The following ZDHHC11B variants were observed in gnomAD, a reference collection of about 807,000 sequenced individuals.
ZDHHC11B encodes the protein probable palmitoyltransferase ZDHHC11B.
A neutral mutation model predicts 42.3 loss-of-function variants in ZDHHC11B; 17 were observed. That is an observed-to-expected ratio of 0.40 (90% CI 0.27 to 0.60). The LOEUF is 0.60. Among genes scored for constraint, ZDHHC11B ranks in the 20% least tolerant of loss-of-function variants. The probability of loss-of-function intolerance (pLI) is 0.41; values close to 1 mark genes in which losing one functional copy is unlikely to be tolerated. For synonymous variants in ZDHHC11B, 123 were observed against 193.5 expected (o/e 0.64, Z 3.02); for missense variants, 262 against 463.2 (o/e 0.57, Z 3.99).
chr5:739,894 T>C (rs1246018039), intron 10 of ZDHHC11B, among the ~76,000 whole-genome samples: 1 of 149,824 alleles, frequency 6.7e-6, no homozygotes, highest in Middle Eastern at 3.5e-3. Flanking sequence ...AAAGAAAATG[T>C]GATATATATT....
chr5:732,447 C>T (rs1743084552), intron 11 of ZDHHC11B: 3 of 324,784 alleles, frequency 9.2e-6, no homozygotes, highest in Non-Finnish European at 1.8e-5. Context: ...CCGTGTGCCA[C>T]ATGCAGTGAG....
At chr5:764,929 T>C (rs1735081865) in intron 4 of ZDHHC11B, among the ~76,000 whole-genome samples, 1 of 109,486 alleles carries the variant, frequency 9.1e-6, no homozygotes, top group African/African-American at 3.2e-5. Context: ...CAATCAGCAC[T>C]CTGTATCTAG....
intron 4 of ZDHHC11B, among the ~76,000 whole-genome samples, chr5:757,239 G>C (rs1289182745): frequency 6.6e-6 from 1 of 152,076 alleles, no homozygotes; most frequent in South Asian, 2.1e-4. Flanking sequence ...GGCCCTCACA[G>C]TGTGGCCTAA....
At chr5:770,387 C>T (rs1413552817) in intron 1 of ZDHHC11B, among the ~76,000 whole-genome samples, 3 of 150,082 alleles carry the variant, frequency 2.0e-5, no homozygotes, top group African/African-American at 7.3e-5. Flanking sequence ...CAAATAAAGC[C>T]AGCAGCACGC....
At position 756,033 on chromosome 5, in the gene ZDHHC11B, G is replaced by A; in HGVS notation, c.334C>T (p.Leu112Phe). 1 of 1,234,748 alleles carries A rather than the reference G, an allele frequency of 8.1e-7. No individual in the cohort carries two copies. Among genetic ancestry groups the A allele is most frequent in the Non-Finnish European group, 1.1e-6 (1 of 878,326 alleles). The allele number at this position is 1,234,748 out of a possible 1,614,324, so 76.5% of individuals were successfully genotyped here. A position where few individuals can be genotyped will look rare whatever the true frequency, so the allele number is the denominator to read the frequency against. The change falls in exon 5 of 14, where the codon CTC (leucine) becomes TTC (phenylalanine). Residue 112 changes from leucine (L) to phenylalanine (F), a missense_variant. By Grantham distance (22) the Leu-to-Phe change is conservative. This residue lies in a region of ZDHHC11B where 33 missense variants were observed against 174.6 expected (regional missense o/e 0.19). Coordinates refer to ENST00000508859, the MANE Select transcript of ZDHHC11B (RefSeq NM_001351303.2). ...LMKNYSQPMP[L>F]FDRSKHAHVI... ...TGTGCATGTTTTGATCTGTCGAAGA[G>A]GGGCATGGGCTGAGAATAGTTCTTC...
intron 1 of ZDHHC11B, among the ~76,000 whole-genome samples, chr5:779,528 CCAGCCTCTGG>C (rs1220563495): frequency 1.3e-5 from 2 of 149,484 alleles, no homozygotes; most frequent in Non-Finnish European, 3.0e-5. Flanking sequence ...TGAGACACAT[CCAGCCTCTGG>C]TTGCCCATTT....
intron 1 of ZDHHC11B, among the ~76,000 whole-genome samples, chr5:770,911 C>T (rs1354626767): frequency 1.6e-4 from 25 of 152,044 alleles, no homozygotes; most frequent in African/African-American, 4.6e-4. Flanking sequence ...GGCTTGGGGA[C>T]GCAGGGCTAC....
chr5:724,662 TACACACAC>T (rs58690111), intron 12 of ZDHHC11B, among the ~76,000 whole-genome samples: 1 of 145,036 alleles, frequency 6.9e-6, no homozygotes, highest in Non-Finnish European at 1.5e-5. Flanking sequence ...GACCATCAGT[TACACACAC>T]ACACACACAC....
Position 716,715 on chromosome 5 carries a change from G to A in ZDHHC11B, c.*7+86C>T, listed in dbSNP as rs1741777008. 4 of 1,554,792 alleles carry A rather than the reference G, an allele frequency of 2.6e-6. No homozygotes were observed. In the South Asian group the frequency reaches 4.5e-5, roughly 17 times the overall value. On this transcript the variant is annotated intron_variant, in intron 13 of 13. Coordinates refer to ENST00000508859, the MANE Select transcript of ZDHHC11B (RefSeq NM_001351303.2). ...GCAGCCCAGCCCTTGAGTTTGCACT[G>A]GTGATTTTTTAAAGAAGATATTTCA...
At chr5:745,831 G>C (rs959313594) in intron 8 of ZDHHC11B, among the ~76,000 whole-genome samples, 20 of 149,970 alleles carry the variant, frequency 1.3e-4, no homozygotes, top group South Asian at 2.2e-4. Context: ...ACCACCCCGA[G>C]GTGCTGGCTA....
rs763715042 is a variant in ZDHHC11B, at chr5:766,865, T to C, written c.55A>G (p.Asn19Asp). ...CGGGGCGGCAAGACCAGCTCTTCAT[T>C]GTTGCGTATGGCTTCTGGGGTGACG... Reference protein sequence around the residue: ...CSVTPEAIRNNEELVLPPRIS... With the variant: ...CSVTPEAIRNDEELVLPPRIS... Residue 19 changes from asparagine to aspartate, a missense_variant, in exon 4 of 14, where the codon AAT (asparagine) becomes GAT (aspartate). Asn to Asp is a conservative substitution (Grantham distance 23, BLOSUM62 1). Transcript: ENST00000508859. 2.0e-5 allele frequency: 33 copies of C among 1,612,710 alleles called. 1 individual carries two copies. In the South Asian group the frequency reaches 3.6e-4, roughly 18 times the overall value.
chr5:757,361 T>A (rs1205240880), intron 4 of ZDHHC11B, among the ~76,000 whole-genome samples: 1 of 151,942 alleles, frequency 6.6e-6, no homozygotes, highest in Non-Finnish European at 1.5e-5. Flanking sequence ...GTAGGGATTT[T>A]AGCAGAAGGC....
intron 11 of ZDHHC11B, among the ~76,000 whole-genome samples, chr5:730,738 G>T (rs1449025559): frequency 6.6e-6 from 1 of 151,678 alleles, no homozygotes; most frequent in Non-Finnish European, 1.5e-5. Flanking sequence ...TGGAGACAGG[G>T]TCTTGAAAGA....
rs781568650 is a variant in ZDHHC11B at position 760,795 on chromosome 5, C to A, written c.223-4651G>T. On this transcript the variant is annotated intron_variant, in intron 4 of 13. Transcript: ENST00000508859. ...CTCAGAGTCCACATGTGCACCACTC[C>A]GGACTGGCAGGGGCAGTGACCCGGC... 3.3e-5 allele frequency among the ~76,000 whole-genome samples: 5 copies of A among 151,890 alleles called. 1 individual carries two copies. Among genetic ancestry groups the A allele is most frequent in the African/African-American group, 1.2e-4 (5 of 41,426 alleles).
At chr5:728,480 G>A (rs1202371956) in intron 12 of ZDHHC11B, among the ~76,000 whole-genome samples, 3 of 151,852 alleles carry the variant, frequency 2.0e-5, no homozygotes, top group African/African-American at 4.9e-5. Context: ...ATCCTGTAGT[G>A]AACAATGGTT....
chr5:734,332 C>T (rs138135372), intron 10 of ZDHHC11B, among the ~76,000 whole-genome samples: 22,371 of 67,486 alleles, frequency 0.33, 3,386 homozygotes, highest in African/African-American at 0.5. Flanking sequence ...GTGACAACTC[C>T]GCTGCTGTCT....
At chr5:726,195 A>C (rs561225303) in intron 12 of ZDHHC11B, among the ~76,000 whole-genome samples, 1 of 151,744 alleles carries the variant, frequency 6.6e-6, no homozygotes, top group South Asian at 2.1e-4. Context: ...ATCACACCTC[A>C]CAGGCTCTTA....
intron 1 of ZDHHC11B, among the ~76,000 whole-genome samples, chr5:777,738 C>G (rs1235431608): frequency 6.6e-6 from 1 of 151,976 alleles, no homozygotes; most frequent in Non-Finnish European, 1.5e-5. Flanking sequence ...CAAGCCCCCA[C>G]TCCACTCAGG....
chr5:746,708 C>T (rs1744877213), intron 8 of ZDHHC11B, among the ~76,000 whole-genome samples: 1 of 150,500 alleles, frequency 6.6e-6, no homozygotes, highest in African/African-American at 2.4e-5. Flanking sequence ...TTCATCCTCT[C>T]CCCGCAGCGT....
Sources: gnomAD v4.1 joint callset for allele counts (sites outside exome capture counted in the v4.1 genomes callset) on GRCh38, gnomAD v4.1.1 for gene constraint, gnomAD v4.1.1 regional missense constraint, MANE v1.5 for transcripts, NCBI Gene and HGNC (gene_info 2026-07-23, HGNC 2026-07-21) for gene names.